Variants in NXPE4 observed in about 807,000 individuals in gnomAD.
The protein encoded by NXPE4 is NXPE family member 4.
A neutral mutation model predicts 33.3 loss-of-function variants in NXPE4; 42 were observed. That is an observed-to-expected ratio of 1.26 (90% CI 0.98 to 1.63). The LOEUF (loss-of-function observed/expected upper bound fraction) is 1.63. Among genes scored for constraint, NXPE4 ranks in the 40% most tolerant of loss-of-function variants. The pLI is 0.00. For synonymous variants in NXPE4, 253 were observed against 234.9 expected, an observed-to-expected ratio of 1.08 and a Z score of -0.71; for missense variants, 709 against 647.6, an observed-to-expected ratio of 1.09 and a Z score of -1.03.
At chr11:114,661,027 A>G in the NXPE4 span, among the ~76,000 whole-genome samples, 1 of 152,196 alleles carries the variant, frequency 6.6e-6, no homozygotes, top group Non-Finnish European at 1.5e-5. Flanking sequence ...CACGGAAAAC[A>G]TGAAATACTT....
At chr11:114,641,703 AC>A in the NXPE4 span, among the ~76,000 whole-genome samples, 2 of 152,132 alleles carry the variant, frequency 1.3e-5, no homozygotes, top group African/African-American at 4.8e-5. Flanking sequence ...GAGATGATCA[AC>A]AGAATAAAAC....
At chr11:114,633,451 T>A in the NXPE4 span, among the ~76,000 whole-genome samples, 1 of 146,612 alleles carries the variant, frequency 6.8e-6, no homozygotes, top group Non-Finnish European at 1.5e-5. Context: ...CAATGTATAT[T>A]TTTTCTTTTT....
At chr11:114,640,392 G>A in the NXPE4 span, among the ~76,000 whole-genome samples, 6 of 150,138 alleles carry the variant, frequency 4.0e-5, no homozygotes, top group East Asian at 1.9e-4. Flanking sequence ...TCATGTGTTC[G>A]TCAGTTGTGA....
In NXPE4 at chr11:114,578,376, A is replaced by C. The variant is rs182193508; in HGVS notation, c.1099+1756T>G. On this transcript the variant is annotated intron_variant, in intron 5 of 5. Coordinates refer to ENST00000375478, the MANE Select transcript of NXPE4 (RefSeq NM_001077639.2). ...AATTAAAAGATGAGTCGAAGAGGGT[A>C]GGTAACTCCATAACTCAGTCCTTTA... 2.0e-5 allele frequency among the ~76,000 whole-genome samples: 3 copies of C among 152,330 alleles called. No homozygotes were observed. The East Asian group carries it at 5.8e-4, about 29-fold the overall frequency.
At chr11:114,631,116 C>T in the NXPE4 span, among the ~76,000 whole-genome samples, 5 of 151,660 alleles carry the variant, frequency 3.3e-5, no homozygotes, top group African/African-American at 1.2e-4. Context: ...GTCAGTGTGG[C>T]GATTCTCAGG....
the NXPE4 span, among the ~76,000 whole-genome samples, chr11:114,641,300 T>TA: frequency 5.3e-5 from 8 of 152,002 alleles, no homozygotes; most frequent in South Asian, 2.1e-4. Context: ...AAAGGTAGTG[T>TA]AAAAAATCCA....
the NXPE4 span, among the ~76,000 whole-genome samples, chr11:114,677,464 A>G: frequency 2.6e-5 from 4 of 152,080 alleles, no homozygotes; most frequent in Non-Finnish European, 4.4e-5. Flanking sequence ...TATAACTGTC[A>G]TAACACTGCA....
the NXPE4 span, among the ~76,000 whole-genome samples, chr11:114,630,959 C>G: frequency 7.9e-5 from 12 of 150,964 alleles, no homozygotes; most frequent in African/African-American, 2.9e-4. Flanking sequence ...AAATGCAAAT[C>G]AAAACCACAA....
intron 5 of NXPE4, among the ~76,000 whole-genome samples, chr11:114,574,815 A>G (rs1309258402): frequency 6.6e-6 from 1 of 152,174 alleles, no homozygotes; most frequent in Non-Finnish European, 1.5e-5. Flanking sequence ...ACAGAGAAAG[A>G]GGGAATCCTC....
chr11:114,654,061 G>A, the NXPE4 span, among the ~76,000 whole-genome samples: 1 of 152,246 alleles, frequency 6.6e-6, no homozygotes, highest in South Asian at 2.1e-4. Flanking sequence ...TAATGACAAT[G>A]ATACAAAGTG....
the NXPE4 span, among the ~76,000 whole-genome samples, chr11:114,673,771 T>C: frequency 8.6e-5 from 13 of 151,942 alleles, no homozygotes; most frequent in South Asian, 1.2e-3. Flanking sequence ...CATAACTCTA[T>C]GTGAGAGCCT....
the NXPE4 span, among the ~76,000 whole-genome samples, chr11:114,653,808 G>T: frequency 2.6e-5 from 4 of 152,016 alleles, no homozygotes; most frequent in African/African-American, 9.6e-5. Flanking sequence ...GATTACAGGC[G>T]TGAGCCACCG....
chr11:114,610,688 C>A, the NXPE4 span, among the ~76,000 whole-genome samples: 1 of 151,768 alleles, frequency 6.6e-6, no homozygotes. Flanking sequence ...CGTGGTTAAC[C>A]ACTGTTACCC....
chr11:114,595,571 A>C (rs1028319607), intron 1 of NXPE4, 21 bp downstream of exon 1: 1 of 152,188 alleles, frequency 6.6e-6, no homozygotes, highest in Non-Finnish European at 1.5e-5. Flanking sequence ...CACCTTCCCA[A>C]TTTTACAAAT....
the NXPE4 span, among the ~76,000 whole-genome samples, chr11:114,629,153 C>T: frequency 4.2e-4 from 64 of 152,062 alleles, 1 homozygote; most frequent in Admixed American, 7.9e-4. Context: ...AAAGAGGGAA[C>T]CCTCCCTAAC....
At chr11:114,664,735 T>C in the NXPE4 span, among the ~76,000 whole-genome samples, 1 of 152,208 alleles carries the variant, frequency 6.6e-6, no homozygotes, top group Non-Finnish European at 1.5e-5. Context: ...GTACTTCCAA[T>C]TTTGAATTTT....
the NXPE4 span, among the ~76,000 whole-genome samples, chr11:114,648,647 T>C: frequency 1.3e-5 from 2 of 152,186 alleles, no homozygotes; most frequent in African/African-American, 4.8e-5. Context: ...TTAGCACCCA[T>C]ATGCATCTCC....
chr11:114,628,105 G>A, the NXPE4 span, among the ~76,000 whole-genome samples: 1 of 147,816 alleles, frequency 6.8e-6, no homozygotes, highest in African/African-American at 2.6e-5. Context: ...ACATTAGACA[G>A]ATCAATGAGA....
intron 2 of NXPE4, chr11:114,584,267 G>T (rs534515705): frequency 5.9e-5 from 29 of 494,760 alleles, no homozygotes; most frequent in African/African-American, 5.0e-4. Context: ...GAATACTTTG[G>T]ACCATATTTC....
Sources: allele counts gnomAD v4.1 joint callset (sites outside exome capture counted in the v4.1 genomes callset), GRCh38; gene constraint gnomAD v4.1.1; transcripts MANE v1.5; gene names NCBI Gene and HGNC (gene_info 2026-07-23, HGNC 2026-07-21).